Variants in KIF26B observed in about 807,000 individuals in gnomAD.
The protein encoded by KIF26B is kinesin-like protein KIF26B.
Under a neutral mutation model 151.2 loss-of-function variants are expected in KIF26B, and 63 were observed. The observed-to-expected ratio is 0.42, with a 90% CI of 0.34 to 0.51. KIF26B has a LOEUF of 0.51. Among genes scored for constraint, KIF26B ranks in the 20% least tolerant of loss-of-function variants. The pLI is 0.07. For synonymous variants in KIF26B, 1,357 were observed against 1,262.1 expected, an observed-to-expected ratio of 1.08 and a Z score of -1.59; for missense variants, 2,813 against 2,913.6, an observed-to-expected ratio of 0.97 and a Z score of 0.79.
intron 9 of KIF26B, among the ~76,000 whole-genome samples, chr1:245,613,676 T>C (rs563952716): frequency 1.3e-5 from 2 of 152,316 alleles, no homozygotes; most frequent in Admixed American, 1.3e-4. Context: ...TCCTCGTGGC[T>C]CAAAAGACCT....
intron 4 of KIF26B, among the ~76,000 whole-genome samples, chr1:245,474,446 C>G (rs1486240159): frequency 1.4e-5 from 2 of 145,750 alleles, no homozygotes; most frequent in African/African-American, 5.0e-5. Flanking sequence ...GAGTCTCACT[C>G]TGTCGCCTGG....
intron 4 of KIF26B, among the ~76,000 whole-genome samples, chr1:245,513,208 A>ACC (rs5782355): frequency 2.3e-5 from 3 of 133,132 alleles, no homozygotes; most frequent in African/African-American, 8.7e-5. Flanking sequence ...TCCAACCTGC[A>ACC]CCCCCCCCCA....
At chr1:245,186,703 A>G (rs772523011) in intron 2 of KIF26B, among the ~76,000 whole-genome samples, 1 of 152,240 alleles carries the variant, frequency 6.6e-6, no homozygotes, top group African/African-American at 2.4e-5. Context: ...TGCCCTGCTT[A>G]TCTTTCAGAC....
chr1:245,244,094 G>A lies in KIF26B; in HGVS notation c.465+87411G>A, dbSNP rs76248388. 0.078 allele frequency among the ~76,000 whole-genome samples: 11,852 copies of A among 151,982 alleles called. 612 individuals carry two copies. Among genetic ancestry groups the A allele is most frequent in the Middle Eastern group, 0.13 (38 of 294 alleles). Reference sequence around the variant, plus strand: ...GTTGAGTAGCTAGGACTACAGGCATGCACCATCATGCCTGGCTAATTTTTA... The same window carrying A: ...GTTGAGTAGCTAGGACTACAGGCATACACCATCATGCCTGGCTAATTTTTA... On this transcript the variant is annotated intron_variant, in intron 2 of 14. Coordinates refer to ENST00000407071, the MANE Select transcript of KIF26B (RefSeq NM_018012.4). The surrounding 1 kb of genome is among the most constrained non-coding windows in gnomAD (Gnocchi z 4.2).
intron 2 of KIF26B, among the ~76,000 whole-genome samples, chr1:245,301,304 TTGA>T (rs1671425213): frequency 6.6e-6 from 1 of 152,240 alleles, no homozygotes; most frequent in Non-Finnish European, 1.5e-5. Flanking sequence ...GGAACTGAGC[TTGA>T]GCAGGGATCC....
At chr1:245,195,467 C>T (rs1484048225) in intron 2 of KIF26B, among the ~76,000 whole-genome samples, 2 of 152,184 alleles carry the variant, frequency 1.3e-5, no homozygotes, top group African/African-American at 2.4e-5. Context: ...TTGAACTACA[C>T]ATTGCTTGAA....
intron 4 of KIF26B, among the ~76,000 whole-genome samples, chr1:245,475,257 C>T (rs768517010): frequency 3.3e-5 from 5 of 151,916 alleles, no homozygotes; most frequent in Middle Eastern, 6.8e-3. Flanking sequence ...GACCCAACAC[C>T]GGCTGCCTCC....
chr1:245,673,877 C>G (rs2044325685), intron 10 of KIF26B: 1 of 152,196 alleles, frequency 6.6e-6, no homozygotes, highest in Non-Finnish European at 1.5e-5. Flanking sequence ...TCTGCAGTTT[C>G]TTTCTTCCTG....
intron 6 of KIF26B, among the ~76,000 whole-genome samples, chr1:245,605,381 C>T (rs1255333490): frequency 1.3e-5 from 2 of 152,208 alleles, no homozygotes; most frequent in African/African-American, 2.4e-5. Flanking sequence ...CTGTGCTCTC[C>T]AGTCCTCATT....
intron 10 of KIF26B, among the ~76,000 whole-genome samples, chr1:245,647,852 C>A (rs568918592): frequency 1.5e-4 from 23 of 152,318 alleles, no homozygotes; most frequent in African/African-American, 5.5e-4. Context: ...CTGTCCATCT[C>A]ATTTCTAGAA....
chr1:245,221,032 G>A (rs1669756355), intron 2 of KIF26B, among the ~76,000 whole-genome samples: 1 of 152,136 alleles, frequency 6.6e-6, no homozygotes, highest in Non-Finnish European at 1.5e-5. Context: ...TCTAATGACT[G>A]CCTTCCCTCA....
At chr1:245,345,316 TCAC>T (rs1283706519) in intron 2 of KIF26B, among the ~76,000 whole-genome samples, 1 of 152,120 alleles carries the variant, frequency 6.6e-6, no homozygotes, top group African/African-American at 2.4e-5. Context: ...TTCTGCGACT[TCAC>T]AGCCTCACAC....
Position 245,318,986 on chromosome 1 carries a change from G to GA in KIF26B, c.466-47846dup, listed in dbSNP as rs1011860942. Among the ~76,000 whole-genome samples the GA allele has an allele frequency of 7.0e-4, 107 of 152,306 alleles. No individual in the cohort carries two copies. The highest frequency in any genetic ancestry group is 2.5e-3 in the African/African-American group (104 of 41,564). ...ACACAGGGATATTTGCTCTTAGCTA[G>GA]AATGGGGCAAATTGGCAACAGTTTT... is the stretch of plus-strand genomic sequence containing the variant. On this transcript the variant is annotated intron_variant, in intron 2 of 14. Coordinates refer to ENST00000407071, the MANE Select transcript of KIF26B (RefSeq NM_018012.4). This position sits in a 1 kb window ranked among gnomAD's most constrained non-coding sequence, Gnocchi z 4.0.
chr1:245,614,202 A>T (rs1241823051), intron 9 of KIF26B, among the ~76,000 whole-genome samples: 1 of 151,796 alleles, frequency 6.6e-6, no homozygotes, highest in Non-Finnish European at 1.5e-5. Context: ...ATGAAGTCTC[A>T]CTCACTCTGT....
chr1:245,174,974 A>G (rs1297836571), intron 2 of KIF26B, among the ~76,000 whole-genome samples: 1 of 152,184 alleles, frequency 6.6e-6, no homozygotes, highest in Non-Finnish European at 1.5e-5. Flanking sequence ...TCAGATTATG[A>G]AGCCTCCAAG....
intron 3 of KIF26B, among the ~76,000 whole-genome samples, chr1:245,408,870 T>G (rs951111206): frequency 6.6e-6 from 1 of 152,172 alleles, no homozygotes; most frequent in Non-Finnish European, 1.5e-5. Flanking sequence ...ATCGCAGTTG[T>G]GCCTGCTTCA....
At chr1:245,565,991 A>T (rs1553289524) in intron 5 of KIF26B, among the ~76,000 whole-genome samples, 1 of 152,050 alleles carries the variant, frequency 6.6e-6, no homozygotes, top group Non-Finnish European at 1.5e-5. Context: ...GAGGCCCCAG[A>T]CTCTTTAAAA....
intron 9 of KIF26B, among the ~76,000 whole-genome samples, chr1:245,639,801 A>T (rs2043869838): frequency 6.6e-6 from 1 of 151,710 alleles, no homozygotes; most frequent in African/African-American, 2.4e-5. Flanking sequence ...TTATAGTTTT[A>T]TTCTGTTGTG....
chr1:245,475,907 G>A (rs978734763), intron 4 of KIF26B, among the ~76,000 whole-genome samples: 13 of 151,830 alleles, frequency 8.6e-5, no homozygotes, highest in African/African-American at 3.1e-4. Context: ...CATTCTTAGG[G>A]ATATACCCAA....
Sources: allele counts gnomAD v4.1 joint callset (sites outside exome capture counted in the v4.1 genomes callset), GRCh38; gene constraint gnomAD v4.1.1; non-coding constraint Gnocchi (gnomAD v3.1); transcripts MANE v1.5; gene names NCBI Gene and HGNC (gene_info 2026-07-23, HGNC 2026-07-21).